RGS7: variants seen among roughly 807,000 people sequenced by gnomAD.
The protein encoded by RGS7 is regulator of G protein signaling 7.
In RGS7, 27 loss-of-function variants were observed where a neutral mutation model predicts 81.1. The ratio of observed to expected loss-of-function variants is 0.33; its 90% confidence interval spans 0.25 to 0.46. The LOEUF is 0.46. RGS7 is among the 20% of genes least tolerant of loss of function. The probability of loss-of-function intolerance (pLI) is 1.00; values close to 1 mark genes in which losing one functional copy is unlikely to be tolerated. For synonymous variants in RGS7, 208 were observed against 207.7 expected, an observed-to-expected ratio of 1.00 and a Z score of -0.01; for missense variants, 396 against 607.4, an observed-to-expected ratio of 0.65 and a Z score of 3.66.
At chr1:241,292,236 T>C (rs138600223) in intron 2 of RGS7, among the ~76,000 whole-genome samples, 1 of 152,310 alleles carries the variant, frequency 6.6e-6, no homozygotes, top group African/African-American at 2.4e-5. Context: ...TAAGTAAAAA[T>C]ACACTCTAAA....
chr1:241,341,951 T>C (rs77551587), intron 2 of RGS7, among the ~76,000 whole-genome samples: 1 of 144,298 alleles, frequency 6.9e-6, no homozygotes, highest in Admixed American at 7.4e-5. Context: ...CTCAGCTCAC[T>C]GCAACCTCTG....
intron 3 of RGS7, among the ~76,000 whole-genome samples, chr1:241,094,276 C>G (rs909893578): frequency 3.3e-5 from 5 of 149,940 alleles, no homozygotes; most frequent in Non-Finnish European, 7.4e-5. Flanking sequence ...CACACACACA[C>G]AGAGTCACAC....
At chr1:241,174,895 G>GTTTTTTTT (rs551122102) in intron 2 of RGS7, among the ~76,000 whole-genome samples, 18 of 69,232 alleles carry the variant, frequency 2.6e-4, no homozygotes, top group South Asian at 7.3e-4. Flanking sequence ...ACAGAATTTT[G>GTTTTTTTT]TTTTTTTTTT....
chr1:241,093,855 A>G (rs2064061714), intron 3 of RGS7, among the ~76,000 whole-genome samples: 1 of 152,078 alleles, frequency 6.6e-6, no homozygotes, highest in Non-Finnish European at 1.5e-5. Context: ...GCAACCATAA[A>G]TACTTTGTGT....
intron 3 of RGS7, among the ~76,000 whole-genome samples, chr1:241,093,433 ACTAG>A: frequency 6.6e-6 from 1 of 152,320 alleles, no homozygotes; most frequent in East Asian, 1.9e-4. Flanking sequence ...ACGGTAAAAT[ACTAG>A]CCCACAAAAC....
At chr1:241,098,252 G>A (rs554234565) in intron 3 of RGS7, among the ~76,000 whole-genome samples, 24 of 152,310 alleles carry the variant, frequency 1.6e-4, no homozygotes, top group African/African-American at 4.3e-4. Context: ...GGTCTTGAGC[G>A]AGTATGGCTC....
At chr1:241,065,007 T>G (rs937839339) in intron 3 of RGS7, among the ~76,000 whole-genome samples, 1 of 152,122 alleles carries the variant, frequency 6.6e-6, no homozygotes, top group African/African-American at 2.4e-5. Context: ...ACTCTTTAGC[T>G]GCCTCATCAT....
At position 240,860,251 on chromosome 1, in the gene RGS7, T is replaced by C. The variant is rs557935778; in HGVS notation, c.609+8336A>G. The stretch of plus-strand genomic sequence containing the variant: ...AACTTCAGTTAAACCTTGTTCTTAG[T>C]TCCTTACTGATTTTCTGCCTGCTTG... On this transcript the variant is annotated intron_variant, in intron 9 of 18. Transcript: ENST00000440928. Among the ~76,000 whole-genome samples, 6 of 152,242 alleles carry C rather than the reference T, an allele frequency of 3.9e-5. No individual in the cohort carries two copies. In the South Asian group the frequency reaches 1.2e-3, roughly 32 times the overall value.
intron 3 of RGS7, among the ~76,000 whole-genome samples, chr1:241,028,014 C>G (rs934791704): frequency 2.0e-5 from 3 of 152,166 alleles, no homozygotes; most frequent in Non-Finnish European, 4.4e-5. Flanking sequence ...CCTTGTGGAA[C>G]CACTGGAGAG....
intron 4 of RGS7, among the ~76,000 whole-genome samples, chr1:240,944,298 A>G (rs866783940): frequency 0.29 from 26,833 of 91,156 alleles, 4,410 homozygotes; most frequent in Non-Finnish European, 0.37. Flanking sequence ...ATATATATAT[A>G]TATATATATA....
intron 2 of RGS7, among the ~76,000 whole-genome samples, chr1:241,183,335 G>A (rs2071802021): frequency 6.6e-6 from 1 of 152,200 alleles, no homozygotes; most frequent in Admixed American, 6.5e-5. Context: ...ATCAGCACCT[G>A]CAAAAGGCTC....
chr1:241,323,855 T>A (rs536770029), intron 2 of RGS7, among the ~76,000 whole-genome samples: 2 of 152,200 alleles, frequency 1.3e-5, no homozygotes, highest in East Asian at 1.9e-4. Context: ...AATAATATAA[T>A]TTAACCTACT....
intron 14 of RGS7, among the ~76,000 whole-genome samples, chr1:240,807,532 A>C: frequency 6.6e-6 from 1 of 152,224 alleles, no homozygotes. Context: ...GAAGTGCATG[A>C]GCTAGAATTA....
At chr1:241,031,748 A>T (rs972486339) in intron 3 of RGS7, among the ~76,000 whole-genome samples, 13 of 151,958 alleles carry the variant, frequency 8.6e-5, no homozygotes, top group Non-Finnish European at 1.6e-4. Context: ...ATTTTTTCAC[A>T]TGCTTGTTGG....
chr1:241,041,578 A>T (rs1211014214), intron 3 of RGS7, among the ~76,000 whole-genome samples: 2 of 152,106 alleles, frequency 1.3e-5, no homozygotes, highest in East Asian at 3.9e-4. Context: ...TCTAGTGGCA[A>T]AGGTGCCCCC....
At chr1:240,830,748 C>T (rs1693697524) in intron 9 of RGS7, among the ~76,000 whole-genome samples, 1 of 152,130 alleles carries the variant, frequency 6.6e-6, no homozygotes, top group South Asian at 2.1e-4. Context: ...TAAACTCCTT[C>T]CATAAAGAGC....
intron 2 of RGS7, among the ~76,000 whole-genome samples, chr1:241,223,830 G>T (rs778047817): frequency 3.3e-5 from 5 of 151,776 alleles, no homozygotes; most frequent in Non-Finnish European, 5.9e-5. Context: ...CTGTAAATGC[G>T]TATAAAACAC....
intron 4 of RGS7, among the ~76,000 whole-genome samples, chr1:240,949,693 C>G (rs1386996639): frequency 6.6e-6 from 1 of 151,742 alleles, no homozygotes; most frequent in East Asian, 1.9e-4. Context: ...ACTAAAAATA[C>G]AAAAATTAGC....
chr1:240,919,995 A>G, intron 6 of RGS7: 1 of 1,333,926 alleles, frequency 7.5e-7, no homozygotes, highest in Non-Finnish European at 1.1e-6. Context: ...TAAAGAAGAC[A>G]CAGAAGAACA....
Sources: allele counts gnomAD v4.1 joint callset (sites outside exome capture counted in the v4.1 genomes callset), GRCh38; gene constraint gnomAD v4.1.1; transcripts MANE v1.5; gene names NCBI Gene and HGNC (gene_info 2026-07-23, HGNC 2026-07-21).